Variants in C2 observed in about 807,000 individuals in gnomAD.
C2 encodes the protein complement C2, also known as C3/C5 convertase.
C2 carries 64 observed loss-of-function variants against 85.2 expected under a neutral mutation model. The ratio of observed to expected loss-of-function variants is 0.75; its 90% CI spans 0.61 to 0.92. The LOEUF (loss-of-function observed/expected upper bound fraction) is 0.92. C2 is among the 40% of genes least tolerant of loss of function. C2 has a pLI of 0.00. For missense variants in C2, 820 were observed against 971.6 expected, an observed-to-expected ratio of 0.84 and a Z score of 2.07; for synonymous variants, 311 against 370.8, an observed-to-expected ratio of 0.84 and a Z score of 1.85.
chr6:31,911,026 T>C (rs1425838876), intron 1 of C2, among the ~76,000 whole-genome samples: 1 of 149,366 alleles, frequency 6.7e-6, no homozygotes, highest in Admixed American at 6.7e-5. Context: ...GGGCTGGGTG[T>C]GGTGGCTCAT....
chr6:31,934,608 G>A, intron 6 of C2: 1 of 1,397,288 alleles, frequency 7.2e-7, no homozygotes, highest in South Asian at 1.7e-5. Context: ...ACCCACAGGA[G>A]TGAAGCAGAA....
intron 1 of C2, among the ~76,000 whole-genome samples, chr6:31,905,216 T>G (rs953095180): frequency 6.6e-6 from 1 of 151,960 alleles, no homozygotes; most frequent in African/African-American, 2.4e-5. Context: ...GGAGGATCCC[T>G]TGAGCCCAGC....
At chr6:31,923,283 G>A (rs968841567), upstream of C2, among the ~76,000 whole-genome samples, 2 of 152,150 alleles carry the variant, frequency 1.3e-5, no homozygotes, top group Non-Finnish European at 2.9e-5. Flanking sequence ...TTTGCCAATG[G>A]AATATGAATG....
intron 1 of C2, among the ~76,000 whole-genome samples, chr6:31,908,497 A>G (rs1767877945): frequency 6.6e-6 from 1 of 151,456 alleles, no homozygotes; most frequent in Admixed American, 6.6e-5. Flanking sequence ...TACTAAAAAC[A>G]CAAAAATTAG....
intron 1 of C2, among the ~76,000 whole-genome samples, chr6:31,911,734 A>G (rs1768117756): frequency 1.3e-5 from 2 of 151,310 alleles, no homozygotes; most frequent in African/African-American, 4.9e-5. Context: ...GGTTCAAGCA[A>G]TTCTCCTGCC....
Position 31,944,164 on chromosome 6 carries a change from C to T in C2, c.1840C>T (p.Pro614Ser), listed in dbSNP as rs747684994. Residue 614 changes from proline (P) to serine (S), a missense_variant, in exon 15 of 18, where the codon CCT becomes TCT. Physicochemically the swap from Pro to Ser is moderately conservative, Grantham distance 74. Coordinates refer to ENST00000299367, the MANE Select transcript of C2 (RefSeq NM_000063.6). The surrounding 1 kb of genome is among the most constrained non-coding windows in gnomAD (Gnocchi z 5.1). ...ENELLNKQSV[P>S]AHFVALNGSK... ...TGAACTGCTGAACAAACAGAGTGTTCCTGCTCATTTTGTCGCCTTGAATGG... is the reference window on the plus strand; with the variant it reads ...TGAACTGCTGAACAAACAGAGTGTTTCTGCTCATTTTGTCGCCTTGAATGG... 1 of 1,612,668 alleles carries T rather than the reference C, an allele frequency of 6.2e-7. No homozygotes were observed. The highest frequency in any genetic ancestry group is 8.5e-7 in the Non-Finnish European group (1 of 1,179,652).
intron 1 of C2, among the ~76,000 whole-genome samples, chr6:31,909,331 C>T (rs928662346): frequency 6.6e-6 from 1 of 151,780 alleles, no homozygotes; most frequent in Non-Finnish European, 1.5e-5. Flanking sequence ...GACAGGATCT[C>T]TGTTGACCAG....
rs1052968214 is a variant in C2 at position 31,945,066 on chromosome 6, A to G, written c.2079+37A>G. On this transcript the variant is annotated intron_variant, in intron 17 of 17. Coordinates refer to ENST00000299367, the MANE Select transcript of C2 (RefSeq NM_000063.6). The surrounding 1 kb of genome is among the most constrained non-coding windows in gnomAD (Gnocchi z 5.3). ...GAAGCTTGCAGGACCCAGGGGTTAC[A>G]GGATCTCAGCCTTGTTGGGGGGATG... 1.2e-6 allele frequency: 2 copies of G among 1,612,434 alleles called. No homozygotes were observed. The highest frequency in any genetic ancestry group is 1.7e-6 in the Non-Finnish European group (2 of 1,179,608).
chr6:31,911,715 C>T (rs1236496916), intron 1 of C2, among the ~76,000 whole-genome samples: 5 of 151,290 alleles, frequency 3.3e-5, no homozygotes, highest in African/African-American at 7.3e-5. Flanking sequence ...CTGCAGCCTC[C>T]GCCTCCCGGG....
chr6:31,914,188 G>A (rs1768324052), intron 1 of C2, among the ~76,000 whole-genome samples: 1 of 151,878 alleles, frequency 6.6e-6, no homozygotes, highest in African/African-American at 2.4e-5. Context: ...TGGGATTTCA[G>A]GTGTGAGCCA....
At chr6:31,909,777 G>C (rs1265751616) in intron 1 of C2, among the ~76,000 whole-genome samples, 2 of 151,844 alleles carry the variant, frequency 1.3e-5, no homozygotes, top group African/African-American at 4.8e-5. Context: ...CTGCCAAACT[G>C]TTTTCCACAG....
At chr6:31,898,921 G>A (rs1462659598), upstream of C2, among the ~76,000 whole-genome samples, 2 of 151,944 alleles carry the variant, frequency 1.3e-5, no homozygotes, top group African/African-American at 4.8e-5. Flanking sequence ...GAGCTCACTT[G>A]TCACACTCCT....
intron 1 of C2, among the ~76,000 whole-genome samples, chr6:31,906,965 C>T (rs1360711466): frequency 6.6e-6 from 1 of 151,374 alleles, no homozygotes; most frequent in Non-Finnish European, 1.5e-5. Context: ...GGTGAAACCT[C>T]GTTTCTACTG....
chr6:31,932,253 C>T (rs1398868442), intron 3 of C2: 1 of 152,674 alleles, frequency 6.5e-6, no homozygotes. Flanking sequence ...GGCTGACCCC[C>T]CCACCTCCCT....
chr6:31,929,700 A>G (rs1213454912), intron 3 of C2, among the ~76,000 whole-genome samples: 2 of 127,852 alleles, frequency 1.6e-5, no homozygotes, highest in African/African-American at 5.9e-5. Context: ...CCTGAGTGAC[A>G]GAGTAAGACT....
Position 31,934,633 on chromosome 6 carries a change from C to G in C2, c.849+334C>G, listed in dbSNP as rs1263623887. On this transcript the variant is annotated intron_variant, in intron 6 of 17. Transcript: ENST00000299367. ...GTGAAGCAGAAAAATACTGGTGCCC[C>G]TGTGGAATAATTTAAATCAGATTAA... is the stretch of plus-strand genomic sequence containing the variant. The G allele has an allele frequency of 2.9e-6, 4 of 1,363,314 alleles. No homozygotes were observed. The East Asian group carries it at 1.1e-4, about 36-fold the overall frequency. 84.5% of individuals were successfully genotyped at this position (1,363,314 alleles called of 1,614,324 possible).
intron 1 of C2, among the ~76,000 whole-genome samples, chr6:31,906,966 G>T (rs969487869): frequency 6.6e-6 from 1 of 151,336 alleles, no homozygotes; most frequent in African/African-American, 2.4e-5. Context: ...GTGAAACCTC[G>T]TTTCTACTGA....
chr6:31,934,493 A>T, intron 6 of C2, 194 bp downstream of exon 6: 2 of 1,202,276 alleles, frequency 1.7e-6, no homozygotes, highest in Non-Finnish European at 2.4e-6. Flanking sequence ...CACTGTTGGG[A>T]CACTGTGCTG....
Position 31,935,086 on chromosome 6 carries a change from C to T in C2, c.849+787C>T, listed in dbSNP as rs937227088. ...TTGGAAGCCACTGGTTTAAGTTCCTCGCCAGAACTTTGTTTTGTAATTGTG... is the reference window on the plus strand; with the variant it reads ...TTGGAAGCCACTGGTTTAAGTTCCTTGCCAGAACTTTGTTTTGTAATTGTG... On this transcript the variant is annotated intron_variant, in intron 6 of 17. Coordinates refer to ENST00000299367, the MANE Select transcript of C2 (RefSeq NM_000063.6). This position sits in a 1 kb window ranked among gnomAD's most constrained non-coding sequence, Gnocchi z 4.3. 3.7e-5 allele frequency: 36 copies of T among 978,072 alleles called. No individual in the cohort carries two copies. The highest frequency in any genetic ancestry group is 6.2e-5 in the Admixed American group (1 of 16,252). The allele number at this position is 978,072 out of a possible 1,614,324, so 60.6% of individuals were successfully genotyped here. A position where few individuals can be genotyped will look rare whatever the true frequency, so the allele number is the denominator to read the frequency against.
Sources: gnomAD v4.1 joint callset for allele counts (sites outside exome capture counted in the v4.1 genomes callset) on GRCh38, gnomAD v4.1.1 for gene constraint, Gnocchi (gnomAD v3.1) non-coding constraint, MANE v1.5 for transcripts, NCBI Gene and HGNC (gene_info 2026-07-23, HGNC 2026-07-21) for gene names.